The following RPGRIP1 variants were observed in gnomAD, a reference collection of about 807,000 sequenced individuals.
The protein encoded by RPGRIP1 is RPGR interacting protein 1, also known as X-linked retinitis pigmentosa GTPase regulator-interacting protein 1.
Under a neutral mutation model 157.9 loss-of-function variants are expected in RPGRIP1, and 128 were observed. The ratio of observed to expected loss-of-function variants is 0.81; its 90% CI spans 0.70 to 0.94. The LOEUF is 0.94. Ranked by LOEUF, RPGRIP1 falls within the 40% of genes least tolerant of loss-of-function variation. The pLI, the probability that RPGRIP1 is intolerant of heterozygous loss-of-function variation, is 0.00. For synonymous variants in RPGRIP1, 554 were observed against 571.6 expected (o/e 0.97, Z 0.44); for missense variants, 1,486 against 1,545.8 (o/e 0.96, Z 0.65).
chr14:21,288,777 G>A (rs1045476299), intron 2 of RPGRIP1, among the ~76,000 whole-genome samples: 4 of 151,944 alleles, frequency 2.6e-5, no homozygotes, highest in East Asian at 1.9e-4. Context: ...GTCTCCCAAC[G>A]TGCTGGATTA....
At chr14:21,344,687 T>C (rs1885380842) in intron 22 of RPGRIP1, among the ~76,000 whole-genome samples, 1 of 152,218 alleles carries the variant, frequency 6.6e-6, no homozygotes, top group Non-Finnish European at 1.5e-5. Flanking sequence ...GGCTCATGCC[T>C]GTAATCCCAG....
intron 12 of RPGRIP1, among the ~76,000 whole-genome samples, chr14:21,320,871 G>A (rs931620082): frequency 6.6e-6 from 1 of 152,186 alleles, no homozygotes; most frequent in Non-Finnish European, 1.5e-5. Flanking sequence ...AAAGTGCTGG[G>A]ATTACAGGCA....
chr14:21,297,834 A>ATTCTTTCTCTCTTTCT (rs1555365052), intron 3 of RPGRIP1, among the ~76,000 whole-genome samples: 6 of 133,324 alleles, frequency 4.5e-5, no homozygotes, highest in African/African-American at 1.2e-4. Flanking sequence ...TCAATAAATT[A>ATTCTTTCTCTCTTTCT]TTCTTTCTTT....
chr14:21,322,048 C>T, intron 14 of RPGRIP1, 44 bp downstream of exon 14: 1 of 1,559,436 alleles, frequency 6.4e-7, no homozygotes, highest in Non-Finnish European at 8.7e-7. Context: ...GACCCTTCCA[C>T]AGCTAACGCC....
At chr14:21,317,522 C>T in intron 10 of RPGRIP1, 174 bp from the exon 11 acceptor site, 2 of 1,490,858 alleles carry the variant, frequency 1.3e-6, no homozygotes, top group Non-Finnish European at 1.8e-6. Flanking sequence ...CTCAGTAGGA[C>T]TCAAAAGTTC....
At chr14:21,334,408 A>C (rs891271763) in intron 20 of RPGRIP1, among the ~76,000 whole-genome samples, 197 bp from the exon 21 acceptor site, 6 of 151,326 alleles carry the variant, frequency 4.0e-5, no homozygotes, top group Non-Finnish European at 8.8e-5. Flanking sequence ...TTTTTTGAGA[A>C]GTGAATCCTG....
intron 8 of RPGRIP1, among the ~76,000 whole-genome samples, chr14:21,311,572 A>G (rs773771489): frequency 3.9e-5 from 6 of 152,120 alleles, no homozygotes; most frequent in Admixed American, 6.6e-5. Flanking sequence ...AATAAATACA[A>G]GAAAAGAAAA....
At chr14:21,280,308 A>G in intron 1 of RPGRIP1, among the ~76,000 whole-genome samples, 149 bp downstream of exon 1, 1 of 135,732 alleles carries the variant, frequency 7.4e-6, no homozygotes, top group Middle Eastern at 4.4e-3. Flanking sequence ...CACCGGCACT[A>G]TCTCTGCTCA....
In RPGRIP1 at chr14:21,307,768, A is replaced by G. The variant is rs754745915; in HGVS notation, c.838A>G (p.Lys280Glu). ...AGAGAAGGTAGAGCTGATTCGACTT[A>G]AGAAGCTCTTACATGAAAGAAATGC... Reference protein sequence around the residue: ...IKEKVELIRLKKLLHERNASL... With the variant: ...IKEKVELIRLEKLLHERNASL... The change falls in exon 7 of 25, where the codon AAG becomes GAG. Residue 280 changes from lysine to glutamate, a missense_variant. Lys to Glu is a moderately conservative substitution (Grantham distance 56). Coordinates refer to ENST00000400017, the MANE Select transcript of RPGRIP1 (RefSeq NM_020366.4). 1.9e-6 allele frequency: 3 copies of G among 1,569,460 alleles called. No homozygotes were observed. The African/African-American group carries it at 4.1e-5, about 21-fold the overall frequency.
chr14:21,329,109 A>C (rs2139255441), intron 19 of RPGRIP1, among the ~76,000 whole-genome samples: 1 of 143,522 alleles, frequency 7.0e-6, no homozygotes, highest in Non-Finnish European at 1.5e-5. Context: ...GCGCCATTGC[A>C]CTCCAGCCTG....
At chr14:21,294,438 C>T (rs567807280) in intron 2 of RPGRIP1, among the ~76,000 whole-genome samples, 7 of 152,202 alleles carry the variant, frequency 4.6e-5, no homozygotes, top group Middle Eastern at 3.4e-3. Context: ...CCATGTTGGT[C>T]AGGCTGGACT....
intron 20 of RPGRIP1, among the ~76,000 whole-genome samples, chr14:21,333,947 A>G (rs914534576): frequency 1.5e-5 from 2 of 137,434 alleles, no homozygotes; most frequent in Non-Finnish European, 3.1e-5. Flanking sequence ...TTTTTTTGAG[A>G]CAGAGTCTCT....
chr14:21,313,081 C>T (rs1881607140), intron 10 of RPGRIP1, among the ~76,000 whole-genome samples: 1 of 152,012 alleles, frequency 6.6e-6, no homozygotes, highest in African/African-American at 2.4e-5. Context: ...AGTCATCTGC[C>T]TGCATCAGCC....
In RPGRIP1 at chr14:21,294,543, T is replaced by C; in HGVS notation, c.86-134T>C. On this transcript the variant is annotated intron_variant, in intron 2 of 24. Coordinates refer to ENST00000400017, the MANE Select transcript of RPGRIP1 (RefSeq NM_020366.4). ...GCGCCTGGCCCAGAGTCATTTCTCA[T>C]ACTTCCTGATTTCCTCATAAATACT... 5 of 887,586 alleles carry C rather than the reference T, an allele frequency of 5.6e-6. No homozygotes were observed. The South Asian group carries it at 9.5e-5, about 17-fold the overall frequency. The allele number at this position is 887,586 out of a possible 1,614,324, so 55.0% of individuals were successfully genotyped here.
At chr14:21,283,921 G>A (rs1178496185) in intron 1 of RPGRIP1, among the ~76,000 whole-genome samples, 3 of 152,182 alleles carry the variant, frequency 2.0e-5, no homozygotes, top group Non-Finnish European at 4.4e-5. Flanking sequence ...GTGAGCCACC[G>A]TGCCTGGCCT....
chr14:21,349,124 G>A (rs1359891895), intron 24 of RPGRIP1, among the ~76,000 whole-genome samples: 70 of 137,114 alleles, frequency 5.1e-4, no homozygotes, highest in African/African-American at 1.9e-3. Flanking sequence ...AGGCTGGAGT[G>A]CAGTGGTGTG....
intron 5 of RPGRIP1, chr14:21,302,865 G>T (rs1320131346): frequency 4.1e-4 from 36 of 88,246 alleles, no homozygotes; most frequent in East Asian, 7.2e-4. Context: ...CCTTTGTTGT[G>T]TTTTTTTTTT....
intron 6 of RPGRIP1, among the ~76,000 whole-genome samples, chr14:21,304,582 A>T (rs80141383): frequency 0.066 from 10,105 of 152,024 alleles, 541 homozygotes; most frequent in East Asian, 0.25. Flanking sequence ...AAACTTTTTT[A>T]AAAATGTATT....
At chr14:21,329,755 C>A (rs1271907881) in intron 19 of RPGRIP1, among the ~76,000 whole-genome samples, 1 of 151,274 alleles carries the variant, frequency 6.6e-6, no homozygotes, top group Non-Finnish European at 1.5e-5. Flanking sequence ...CTCAGCCTCC[C>A]AAAGTGCTGA....
Sources: gnomAD v4.1 joint callset for allele counts (sites outside exome capture counted in the v4.1 genomes callset) on GRCh38, gnomAD v4.1.1 for gene constraint, MANE v1.5 for transcripts, NCBI Gene and HGNC (gene_info 2026-07-23, HGNC 2026-07-21) for gene names.